The following CCSER1 variants were observed in gnomAD, a reference collection of about 807,000 sequenced individuals.
CCSER1 encodes the protein serine-rich coiled-coil domain-containing protein 1.
CCSER1 carries 41 observed loss-of-function variants against 82.0 expected under a neutral mutation model. The observed-to-expected ratio is 0.50, with a 90% CI of 0.39 to 0.65. The LOEUF (loss-of-function observed/expected upper bound fraction) is 0.65. Ranked by LOEUF, CCSER1 falls within the 30% of genes least tolerant of loss-of-function variation. CCSER1 has a pLI of 0.00. For missense variants in CCSER1, 1,119 were observed against 1,064.2 expected, an observed-to-expected ratio of 1.05 and a Z score of -0.72; for synonymous variants, 414 against 383.9, an observed-to-expected ratio of 1.08 and a Z score of -0.92.
chr4:91,117,625 AG>A (rs1388071396), intron 10 of CCSER1, among the ~76,000 whole-genome samples: 1 of 152,200 alleles, frequency 6.6e-6, no homozygotes, highest in Non-Finnish European at 1.5e-5. Flanking sequence ...AGGCTTCGAA[AG>A]GTACCTCAGT....
intron 7 of CCSER1, among the ~76,000 whole-genome samples, chr4:90,729,646 C>T (rs555366088): frequency 1.3e-5 from 2 of 152,126 alleles, no homozygotes; most frequent in South Asian, 2.1e-4. Flanking sequence ...GAGGCTGAGG[C>T]GGTTGGATCA....
chr4:90,855,408 A>T (rs1189664801), intron 8 of CCSER1, among the ~76,000 whole-genome samples: 1 of 152,152 alleles, frequency 6.6e-6, no homozygotes, highest in Non-Finnish European at 1.5e-5. Flanking sequence ...AAACTATTAA[A>T]CATAGAACTA....
intron 8 of CCSER1, among the ~76,000 whole-genome samples, chr4:90,921,797 T>C (rs1032034176): frequency 1.3e-5 from 2 of 152,150 alleles, no homozygotes; most frequent in South Asian, 2.1e-4. Context: ...TGCAACAAAA[T>C]TTACTTTTCA....
chr4:90,902,301 A>T (rs2150153951), intron 8 of CCSER1, among the ~76,000 whole-genome samples: 2 of 151,836 alleles, frequency 1.3e-5, no homozygotes, highest in South Asian at 2.1e-4. Flanking sequence ...TTAGATTTTT[A>T]ATTTTGGTTA....
At chr4:91,272,447 GT>G (rs1374026970) in intron 10 of CCSER1, among the ~76,000 whole-genome samples, 1 of 151,610 alleles carries the variant, frequency 6.6e-6, no homozygotes, top group Non-Finnish European at 1.5e-5. Context: ...GATGGAATTG[GT>G]TTTTTTTCTT....
chr4:90,372,961 G>A (rs1747700625), intron 3 of CCSER1, among the ~76,000 whole-genome samples: 1 of 134,740 alleles, frequency 7.4e-6, no homozygotes, highest in Non-Finnish European at 1.7e-5. Flanking sequence ...GATGCAAACT[G>A]TTGCATTAGC....
chr4:90,261,052 T>C (rs900179025), intron 1 of CCSER1, among the ~76,000 whole-genome samples: 1 of 152,138 alleles, frequency 6.6e-6, no homozygotes, highest in African/African-American at 2.4e-5. Context: ...GGCCATTCTT[T>C]ACCTTTTAAG....
chr4:90,605,085 A>T (rs1159404377), intron 5 of CCSER1, among the ~76,000 whole-genome samples: 1 of 152,210 alleles, frequency 6.6e-6, no homozygotes, highest in African/African-American at 2.4e-5. Flanking sequence ...AGCCGCCTTT[A>T]TGAGCTGTAA....
intron 10 of CCSER1, among the ~76,000 whole-genome samples, chr4:91,418,758 A>G (rs1753525382): frequency 6.6e-6 from 1 of 152,030 alleles, no homozygotes; most frequent in African/African-American, 2.4e-5. Context: ...CAAGTATTAA[A>G]GACAAAAGCT....
chr4:90,911,651 G>A (rs1016422381), intron 8 of CCSER1, among the ~76,000 whole-genome samples: 8 of 152,060 alleles, frequency 5.3e-5, no homozygotes, highest in East Asian at 1.9e-4. Context: ...TGGGTGTAGC[G>A]CACCAAGCAT....
chr4:91,370,900 C>T (rs1034862814), intron 10 of CCSER1, among the ~76,000 whole-genome samples: 12 of 151,972 alleles, frequency 7.9e-5, no homozygotes, highest in Non-Finnish European at 7.4e-5. Context: ...TTTACTCTGT[C>T]GCCCAGGTTG....
At chr4:91,090,024 C>T (rs1723786385) in intron 10 of CCSER1, among the ~76,000 whole-genome samples, 1 of 152,134 alleles carries the variant, frequency 6.6e-6, no homozygotes, top group Non-Finnish European at 1.5e-5. Context: ...GTAATAATTT[C>T]TAAAACAGCT....
At chr4:90,276,348 C>CTTT (rs1219049059) in intron 1 of CCSER1, among the ~76,000 whole-genome samples, 1 of 91,500 alleles carries the variant, frequency 1.1e-5, no homozygotes. Context: ...TTCTTTCTTT[C>CTTT]TTTTTTTTTT....
intron 10 of CCSER1, among the ~76,000 whole-genome samples, chr4:91,408,963 CACA>C (rs369212810): frequency 6.6e-6 from 1 of 152,204 alleles, no homozygotes; most frequent in African/African-American, 2.4e-5. Context: ...TGTTCATGAT[CACA>C]ACCTCTGTGT....
intron 1 of CCSER1, among the ~76,000 whole-genome samples, chr4:90,292,959 T>C (rs1731197249): frequency 6.6e-6 from 1 of 151,920 alleles, no homozygotes; most frequent in Non-Finnish European, 1.5e-5. Context: ...AAATTCTTTT[T>C]CTCAGACTTT....
chr4:91,324,977 G>T, intron 10 of CCSER1: 1 of 337,294 alleles, frequency 3.0e-6, no homozygotes, highest in South Asian at 2.3e-5. Flanking sequence ...GGTGGGAGGT[G>T]ATTGGATCAT....
At chr4:91,131,338 T>A (rs1164849153) in intron 10 of CCSER1, among the ~76,000 whole-genome samples, 1 of 151,724 alleles carries the variant, frequency 6.6e-6, no homozygotes, top group African/African-American at 2.4e-5. Flanking sequence ...CCTCTTTTTT[T>A]TTTTTTTTGA....
chr4:91,226,650 G>A (rs1030148761), intron 10 of CCSER1, among the ~76,000 whole-genome samples: 4 of 151,894 alleles, frequency 2.6e-5, no homozygotes, highest in South Asian at 4.1e-4. Context: ...GAAGTAAGAC[G>A]CTTAAATATT....
rs987825096 is a variant in CCSER1 at position 90,517,481 on chromosome 4, G to GA, written c.1724+49135dup. On this transcript the variant is annotated intron_variant, in intron 5 of 10. Transcript: ENST00000509176. ...GGTGTTGGTGCCACAAACTGCCACAGAAAAAAAATTCTATGAACAGAATGA... is the reference window on the plus strand; with the variant it reads ...GGTGTTGGTGCCACAAACTGCCACAGAAAAAAAAATTCTATGAACAGAATGA... 5.3e-5 allele frequency among the ~76,000 whole-genome samples: 8 copies of GA among 151,852 alleles called. 2 individuals carry two copies. Among genetic ancestry groups the GA allele is most frequent in the Admixed American group, 5.2e-4 (8 of 15,250 alleles).
Sources: gnomAD v4.1 joint callset for allele counts (sites outside exome capture counted in the v4.1 genomes callset) on GRCh38, gnomAD v4.1.1 for gene constraint, MANE v1.5 for transcripts, NCBI Gene and HGNC (gene_info 2026-07-23, HGNC 2026-07-21) for gene names.